The following DLGAP3 variants were observed in gnomAD, a reference collection of about 807,000 sequenced individuals.
DLGAP3 encodes the protein DLG associated protein 3.
DLGAP3 carries 17 observed loss-of-function variants against 81.2 expected under a neutral mutation model. The observed-to-expected ratio is 0.21, with a 90% confidence interval of 0.14 to 0.31. The LOEUF (loss-of-function observed/expected upper bound fraction) is 0.31. Ranked by LOEUF, DLGAP3 falls within the 10% of genes least tolerant of loss-of-function variation. The pLI is 1.00. For synonymous variants in DLGAP3, 577 were observed against 587.4 expected, an observed-to-expected ratio of 0.98 and a Z score of 0.26; for missense variants, 1,124 against 1,388.0, an observed-to-expected ratio of 0.81 and a Z score of 3.02.
chr1:34,884,914 C>A, intron 8 of DLGAP3, 64 bp downstream of exon 8: 2 of 1,228,104 alleles, frequency 1.6e-6, no homozygotes, highest in Non-Finnish European at 2.4e-6. Context: ...CTAGTGGGGA[C>A]ACTATGCAGC....
In DLGAP3 at chr1:34,866,020, C is replaced by T; in HGVS notation, c.*63G>A. ...CGGCCCGCGTTCACAGTGACCTCGA[C>T]GCTGGGTGTACAGTACGGGTGGAGA... On this transcript the variant is annotated 3_prime_UTR_variant, in exon 12 of 12. Transcript: ENST00000373347. 7.1e-7 allele frequency: 1 copy of T among 1,418,380 alleles called. No individual in the cohort carries two copies. 87.9% of individuals were successfully genotyped at this position (1,418,380 alleles called of 1,614,324 possible).
intron 5 of DLGAP3, among the ~76,000 whole-genome samples, chr1:34,886,793 C>CTA (rs1170561785): frequency 6.6e-6 from 1 of 150,696 alleles, no homozygotes; most frequent in Non-Finnish European, 1.5e-5. Context: ...CATACATGTA[C>CTA]TATATATATA....
At chr1:34,919,158 A>G (rs969314210) in intron 1 of DLGAP3, among the ~76,000 whole-genome samples, 2 of 152,104 alleles carry the variant, frequency 1.3e-5, no homozygotes, top group African/African-American at 4.8e-5. Context: ...GAGAGGCAAG[A>G]GGCCCCCCTT....
Position 34,904,562 on chromosome 1 carries a change from C to T in DLGAP3, c.822G>A (p.Leu274=), listed in dbSNP as rs771466879. ...DDNLDSDSGF[L]AGGRPPGEPG... ...GCTCCCCAGGGGGCCTCCCACCCGC[C>T]AGGAAGCCGCTATCACTGTCCAAGT... Residue 274 remains leucine, a synonymous_variant, in exon 3 of 12, where the codon CTG becomes CTA. Transcript: ENST00000373347. The surrounding 1 kb of genome is among the most constrained non-coding windows in gnomAD (Gnocchi z 8.1). 1 of 1,614,164 alleles carries T rather than the reference C, an allele frequency of 6.2e-7. No homozygotes were observed. Among genetic ancestry groups the T allele is most frequent in the Non-Finnish European group, 8.5e-7 (1 of 1,179,982 alleles).
intron 5 of DLGAP3, among the ~76,000 whole-genome samples, chr1:34,888,325 G>A (rs569933810): frequency 6.6e-6 from 1 of 152,298 alleles, no homozygotes; most frequent in Non-Finnish European, 1.5e-5. Context: ...CCCAGAGAGG[G>A]CAGGTGAATT....
At chr1:34,917,494 T>C (rs1639736083) in intron 1 of DLGAP3, among the ~76,000 whole-genome samples, 1 of 151,886 alleles carries the variant, frequency 6.6e-6, no homozygotes, top group Non-Finnish European at 1.5e-5. Context: ...ACTACAGGGA[T>C]GTACCACCGT....
chr1:34,866,945 T>C (rs937936664), intron 11 of DLGAP3, 103 bp downstream of exon 11: 3 of 1,371,042 alleles, frequency 2.2e-6, no homozygotes, highest in Non-Finnish European at 3.1e-6. Flanking sequence ...TTGCTGCCCA[T>C]GGATCCCTTC....
intron 1 of DLGAP3, among the ~76,000 whole-genome samples, chr1:34,909,802 C>A (rs1317649945): frequency 2.0e-5 from 3 of 152,100 alleles, no homozygotes; most frequent in Non-Finnish European, 4.4e-5. Context: ...TTCAATCCAC[C>A]ACCATGCTCT....
intron 8 of DLGAP3, 61 bp downstream of exon 8, chr1:34,884,917 T>C (rs904576227): frequency 2.2e-5 from 28 of 1,265,660 alleles, no homozygotes; most frequent in Non-Finnish European, 3.0e-5. Flanking sequence ...GTGGGGACAC[T>C]ATGCAGCCCT....
At chr1:34,897,049 G>A (rs373059516) in intron 5 of DLGAP3, among the ~76,000 whole-genome samples, 2 of 151,848 alleles carry the variant, frequency 1.3e-5, no homozygotes, top group East Asian at 3.9e-4. Context: ...AAATATACCT[G>A]AGACATAGAC....
Position 34,900,045 on chromosome 1 carries a change from C to A in DLGAP3, c.1313+23G>T, listed in dbSNP as rs752728198. 2 of 1,605,230 alleles carry A rather than the reference C, an allele frequency of 1.2e-6. No homozygotes were observed. Among genetic ancestry groups the A allele is most frequent in the Admixed American group, 1.7e-5 (1 of 59,960 alleles). On this transcript the variant is annotated intron_variant, in intron 4 of 11. Coordinates refer to ENST00000373347, the MANE Select transcript of DLGAP3 (RefSeq NM_001080418.3). The surrounding 1 kb of genome is among the most constrained non-coding windows in gnomAD (Gnocchi z 5.6). Reference sequence around the variant, plus strand: ...CAGCATCAGCCTCCTGACCCCGCACCCCCCGGCCCTCCCTGTCCTTACTTG... The same window carrying A: ...CAGCATCAGCCTCCTGACCCCGCACACCCCGGCCCTCCCTGTCCTTACTTG...
rs771990969 is a variant in DLGAP3, at chr1:34,886,104, G to A, written c.1568C>T (p.Thr523Ile). ...GGGCCTCCCTGAGACAGCGGCAGGG[G>A]TAGCGAGGAGGGGCAGGCAGTCGTC... ...QDDDCLPLLATPAAVSGRPGS... is the reference protein window; with the variant it reads ...QDDDCLPLLAIPAAVSGRPGS... Residue 523 changes from threonine to isoleucine, a missense_variant, in exon 6 of 12, where the codon ACC becomes ATC. Thr to Ile is a moderately conservative substitution (Grantham distance 89, BLOSUM62 -1). Around this residue, in one of 9 missense-constraint regions of DLGAP3, gnomAD observed 379 missense variants for 455.7 expected, o/e 0.83. Transcript: ENST00000373347. The A allele has an allele frequency of 6.2e-7, 1 of 1,607,266 alleles. No homozygotes were observed. Among genetic ancestry groups the A allele is most frequent in the East Asian group, 2.2e-5 (1 of 44,580 alleles).
intron 1 of DLGAP3, among the ~76,000 whole-genome samples, chr1:34,921,740 C>CAT (rs895963396): frequency 2.0e-5 from 3 of 152,198 alleles, no homozygotes; most frequent in Non-Finnish European, 2.9e-5. Flanking sequence ...GTGAGATGCA[C>CAT]ATATATATGG....
intron 5 of DLGAP3, among the ~76,000 whole-genome samples, chr1:34,889,195 TCCCA>T (rs2148404197): frequency 6.6e-6 from 1 of 152,190 alleles, no homozygotes; most frequent in East Asian, 1.9e-4. Context: ...GCTCTTGAAA[TCCCA>T]CCCACAGGCA....
intron 6 of DLGAP3, 38 bp downstream of exon 6, chr1:34,886,034 T>C (rs1639222064): frequency 1.3e-6 from 2 of 1,555,190 alleles, no homozygotes; most frequent in Non-Finnish European, 1.7e-6. Flanking sequence ...GGCGCTCTCC[T>C]GCCTAGGGCC....
At chr1:34,892,047 C>T (rs897861328) in intron 5 of DLGAP3, among the ~76,000 whole-genome samples, 18 of 152,070 alleles carry the variant, frequency 1.2e-4, no homozygotes, top group Admixed American at 9.8e-4. Flanking sequence ...TTTTATCAGA[C>T]AAAGACTACA....
chr1:34,876,973 C>T (rs1209049230), intron 8 of DLGAP3, among the ~76,000 whole-genome samples: 3 of 152,180 alleles, frequency 2.0e-5, no homozygotes, highest in Non-Finnish European at 2.9e-5. Context: ...CACTCACACC[C>T]TAAACGCATA....
chr1:34,883,507 G>A (rs945332476), intron 8 of DLGAP3, among the ~76,000 whole-genome samples: 2 of 152,156 alleles, frequency 1.3e-5, no homozygotes, highest in African/African-American at 4.8e-5. Context: ...ATTGGGGGTG[G>A]GTAGGATTCA....
chr1:34,878,232 A>G (rs926122027), intron 8 of DLGAP3, among the ~76,000 whole-genome samples: 2 of 152,198 alleles, frequency 1.3e-5, no homozygotes, highest in African/African-American at 4.8e-5. Flanking sequence ...ACTAGAACCC[A>G]GGAAGCGAGG....
Sources: allele counts gnomAD v4.1 joint callset (sites outside exome capture counted in the v4.1 genomes callset), GRCh38; gene constraint gnomAD v4.1.1; regional missense constraint gnomAD v4.1.1; non-coding constraint Gnocchi (gnomAD v3.1); transcripts MANE v1.5; gene names NCBI Gene and HGNC (gene_info 2026-07-23, HGNC 2026-07-21).